The following ZNF585A variants were observed in gnomAD, a reference collection of about 807,000 sequenced individuals.
ZNF585A encodes the protein zinc finger protein 585A.
ZNF585A carries 9 observed loss-of-function variants against 14.9 expected under a neutral mutation model. The ratio of observed to expected loss-of-function variants is 0.60; its 90% CI spans 0.36 to 1.05. The LOEUF (loss-of-function observed/expected upper bound fraction) is 1.05. Among genes scored for constraint, ZNF585A ranks in the 50% least tolerant of loss-of-function variants. ZNF585A has a pLI of 0.01. For missense variants in ZNF585A, 726 were observed against 926.4 expected (o/e 0.78, Z 2.81); for synonymous variants, 276 against 319.9 (o/e 0.86, Z 1.46).
At position 37,152,467 on chromosome 19, in the gene ZNF585A, G is replaced by T; in HGVS notation, c.1432C>A (p.Arg478=). Reference sequence around the variant, plus strand: ...TTCTGATGTGTAATGAGATTTGACCGGTTGGTGAATGCCTTCCCACATTTA... The same window carrying T: ...TTCTGATGTGTAATGAGATTTGACCTGTTGGTGAATGCCTTCCCACATTTA... The part of the protein sequence containing the change: ...CNKCGKAFTN[R]SNLITHQKTH... The change falls in exon 5 of 5, where the codon CGG becomes AGG. Residue 478 remains arginine (R), a synonymous_variant. Coordinates refer to ENST00000292841, the MANE Select transcript of ZNF585A (RefSeq NM_001288800.2). 1 of 1,613,806 alleles carries T rather than the reference G, an allele frequency of 6.2e-7. No homozygotes were observed. The highest frequency in any genetic ancestry group is 8.5e-7 in the Non-Finnish European group (1 of 1,179,960).
At chr19:37,165,597 G>A (rs1452071598) in intron 2 of ZNF585A, 4 of 976,688 alleles carry the variant, frequency 4.1e-6, no homozygotes, top group Admixed American at 1.2e-4. Flanking sequence ...AAACCTACTA[G>A]GCTATTGTTT....
Position 37,152,657 on chromosome 19 carries a change from T to C in ZNF585A, c.1242A>G (p.Lys414=). The C allele has an allele frequency of 6.2e-7, 1 of 1,613,968 alleles. No individual in the cohort carries two copies. Residue 414 remains lysine, a synonymous_variant, in exon 5 of 5, where the codon AAA becomes AAG. Coordinates refer to ENST00000292841, the MANE Select transcript of ZNF585A (RefSeq NM_001288800.2). ...CCTTCTGAATGAAGGCCAGTCCACA[T>C]TTCATGCATATATACGATTTTTCTC... The part of the protein sequence containing the change: ...HTGEKSYICM[K]CGLAFIQKAH...
chr19:37,161,111 G>C (rs746258350), intron 2 of ZNF585A, among the ~76,000 whole-genome samples: 2 of 151,724 alleles, frequency 1.3e-5, no homozygotes. Context: ...TAAAAGAGGA[G>C]AAACACTTCC....
chr19:37,170,919 A>G (rs1972171464), intron 1 of ZNF585A, among the ~76,000 whole-genome samples: 1 of 152,284 alleles, frequency 6.6e-6, no homozygotes, highest in Admixed American at 6.5e-5. Flanking sequence ...ACCATGCATT[A>G]TCAGATATTA....
chr19:37,151,954 G>C lies in ZNF585A; in HGVS notation c.1945C>G (p.Leu649Val), dbSNP rs1220274868. ...GTATGAGTTTTCTGGTGCTTACTGAGATTTGACCTGCCACTAAAGGCCTTC... is the reference window on the plus strand; with the variant it reads ...GTATGAGTTTTCTGGTGCTTACTGACATTTGACCTGCCACTAAAGGCCTTC... ...CGKAFSGRSNLSKHQKTHTGE... is the reference protein window; with the variant it reads ...CGKAFSGRSNVSKHQKTHTGE... The change falls in exon 5 of 5, where the codon CTC becomes GTC. Residue 649 changes from leucine to valine, a missense_variant. Transcript: ENST00000292841. 1.9e-6 allele frequency: 3 copies of C among 1,613,476 alleles called. No homozygotes were observed. The highest frequency in any genetic ancestry group is 2.5e-6 in the Non-Finnish European group (3 of 1,179,892).
In ZNF585A at chr19:37,153,819, T is replaced by C. The variant is rs994617575; in HGVS notation, c.293-213A>G. ...TTTTTCTACTATCCTTATAGTCATA[T>C]TGCCTCTTTGTTGTCAATATTTTCT... On this transcript the variant is annotated intron_variant, in intron 4 of 4. Transcript: ENST00000292841. Among the ~76,000 whole-genome samples, 3 of 152,226 alleles carry C rather than the reference T, an allele frequency of 2.0e-5. No homozygotes were observed. In the South Asian group the frequency reaches 6.2e-4, roughly 32 times the overall value.
At chr19:37,159,014 G>A (rs971406398) in intron 2 of ZNF585A, among the ~76,000 whole-genome samples, 1 of 152,090 alleles carries the variant, frequency 6.6e-6, no homozygotes, top group African/African-American at 2.4e-5. Flanking sequence ...TTGGGAGGCC[G>A]AGGCAAGTGG....
chr19:37,167,588 A>ATTTTATTTTATT (rs1265275696), intron 2 of ZNF585A, among the ~76,000 whole-genome samples: 1 of 137,450 alleles, frequency 7.3e-6, no homozygotes, highest in African/African-American at 3.0e-5. Flanking sequence ...TTTACTTTTT[A>ATTTTATTTTATT]TTTTTATTTT....
intron 2 of ZNF585A, among the ~76,000 whole-genome samples, chr19:37,160,147 A>G (rs1265866841): frequency 6.6e-6 from 1 of 151,998 alleles, no homozygotes; most frequent in Admixed American, 6.6e-5. Context: ...AGCCTGGGAA[A>G]CAGGGCAAAA....
intron 3 of ZNF585A, 104 bp downstream of exon 3, chr19:37,156,125 G>A (rs1304062700): frequency 1.2e-5 from 18 of 1,561,378 alleles, no homozygotes; most frequent in Non-Finnish European, 1.4e-5. Flanking sequence ...GACAAATCAA[G>A]AACAAAATCA....
intron 2 of ZNF585A, among the ~76,000 whole-genome samples, chr19:37,163,843 G>A (rs761397691): frequency 2.0e-5 from 3 of 151,682 alleles, no homozygotes; most frequent in Admixed American, 6.6e-5. Flanking sequence ...TATAGTGAAA[G>A]ATTTATAAAA....
In ZNF585A at chr19:37,169,848, G is replaced by A. The variant is rs749867045; in HGVS notation, c.63C>T (p.Ser21=). 3 of 1,612,692 alleles carry A rather than the reference G, an allele frequency of 1.9e-6. No homozygotes were observed. Among genetic ancestry groups the A allele is most frequent in the South Asian group, 1.1e-5 (1 of 91,052 alleles). The part of the protein sequence containing the change: ...SSALAPEDHG[S]SYEGSVSFRD... ...GACTCCTCCTTCTCACCTCATAGGA[G>A]CTGCCATGATCCTCTGGAGCCAGGG... Residue 21 remains serine (S), a synonymous_variant, in exon 2 of 5, where the codon AGC becomes AGT. Transcript: ENST00000292841.
In ZNF585A at chr19:37,155,850, A is replaced by G. The variant is rs1971919500; in HGVS notation, c.292+15T>C. The G allele has an allele frequency of 2.5e-6, 4 of 1,611,796 alleles. No homozygotes were observed. In the East Asian group the frequency reaches 8.9e-5, roughly 36 times the overall value. On this transcript the variant is annotated intron_variant, in intron 4 of 4. Transcript: ENST00000292841. ...CCCATCTCCCATCTACCGGATTCAC[A>G]CTCGCTTCACTCACCTGGGCAGCTC...
Position 37,151,162 on chromosome 19 carries a change from ACATAACTTAGGATT to A in ZNF585A, c.*413_*426del. On this transcript the variant is annotated 3_prime_UTR_variant, in exon 5 of 5. Transcript: ENST00000292841. ...CAATGTGTTCCACAACGAACAACTC[ACATAACTTAGGATT>A]CATCACTATCAAAATAACTACGTAT... 2.5e-6 allele frequency: 1 copy of A among 399,722 alleles called. No individual in the cohort carries two copies. Among genetic ancestry groups the A allele is most frequent in the South Asian group, 1.3e-4 (1 of 7,798 alleles). The allele number at this position is 399,722 out of a possible 1,614,324, so 24.8% of individuals were successfully genotyped here.
chr19:37,151,396 G>A lies in ZNF585A; in HGVS notation c.*193C>T. On this transcript the variant is annotated 3_prime_UTR_variant, in exon 5 of 5. Coordinates refer to ENST00000292841, the MANE Select transcript of ZNF585A (RefSeq NM_001288800.2). ...ATGAATAATGACCCAAGGTTTACTG[G>A]GGATGGTGACAATGTAGGAAGGGTC... 1.9e-6 allele frequency: 1 copy of A among 522,616 alleles called. No individual in the cohort carries two copies. Among genetic ancestry groups the A allele is most frequent in the South Asian group, 3.3e-5 (1 of 30,330 alleles). The allele number at this position is 522,616 out of a possible 1,614,324, so 32.4% of individuals were successfully genotyped here. A position where few individuals can be genotyped will look rare whatever the true frequency, so the allele number is the denominator to read the frequency against.
intron 2 of ZNF585A, among the ~76,000 whole-genome samples, chr19:37,161,985 G>A (rs1228414090): frequency 5.3e-5 from 8 of 152,088 alleles, no homozygotes; most frequent in Admixed American, 2.0e-4. Flanking sequence ...GTGCAGTGGC[G>A]CAATCTCGGC....
chr19:37,168,098 A>G (rs918865096), intron 2 of ZNF585A, among the ~76,000 whole-genome samples: 5 of 152,212 alleles, frequency 3.3e-5, no homozygotes, highest in African/African-American at 9.6e-5. Flanking sequence ...TATTAGTTAA[A>G]CAAATGTTGA....
chr19:37,155,540 AG>A (rs1334909978), intron 4 of ZNF585A, among the ~76,000 whole-genome samples: 1 of 151,834 alleles, frequency 6.6e-6, no homozygotes, highest in Non-Finnish European at 1.5e-5. Flanking sequence ...CTGTAATCCC[AG>A]TTACTTGGAT....
Position 37,146,551 on chromosome 19 carries a change from C to T in ZNF585A, c.*5038G>A, listed in dbSNP as rs1278506413. 3 of 152,240 alleles carry T rather than the reference C, an allele frequency of 2.0e-5. No homozygotes were observed. The highest frequency in any genetic ancestry group is 2.9e-5 in the Non-Finnish European group (2 of 68,134). 9.4% of individuals were successfully genotyped at this position (152,240 alleles called of 1,614,324 possible). A position where few individuals can be genotyped will look rare whatever the true frequency, so the allele number is the denominator to read the frequency against. On this transcript the variant is annotated 3_prime_UTR_variant, in exon 5 of 5. Transcript: ENST00000292841. ...TGCCACACTGCATCACATCCATTATCCAACAAGGTGCCTGAGCCCCAGAAC... is the reference window on the plus strand; with the variant it reads ...TGCCACACTGCATCACATCCATTATTCAACAAGGTGCCTGAGCCCCAGAAC...
Sources: gnomAD v4.1 joint callset for allele counts (sites outside exome capture counted in the v4.1 genomes callset) on GRCh38, gnomAD v4.1.1 for gene constraint, MANE v1.5 for transcripts, NCBI Gene and HGNC (gene_info 2026-07-23, HGNC 2026-07-21) for gene names.